Variants in PRKG1 observed in about 807,000 individuals in gnomAD.
PRKG1 encodes cGMP-dependent protein kinase 1.
In PRKG1, 35 loss-of-function variants were observed where a neutral mutation model predicts 88.1. That is an observed-to-expected ratio of 0.40 (90% CI 0.30 to 0.53). The LOEUF (loss-of-function observed/expected upper bound fraction) is 0.53. Among genes scored for constraint, PRKG1 ranks in the 20% least tolerant of loss-of-function variants. The probability of loss-of-function intolerance (pLI) is 0.59; values close to 1 mark genes in which losing one functional copy is unlikely to be tolerated. For synonymous variants in PRKG1, 303 were observed against 292.5 expected, an observed-to-expected ratio of 1.04 and a Z score of -0.37; for missense variants, 540 against 839.8, an observed-to-expected ratio of 0.64 and a Z score of 4.41.
intron 7 of PRKG1, among the ~76,000 whole-genome samples, chr10:52,122,107 C>T (rs2132613195): frequency 6.6e-6 from 1 of 152,274 alleles, no homozygotes. Context: ...GGTTGAGGGG[C>T]TCACATCTGG....
intron 2 of PRKG1, among the ~76,000 whole-genome samples, chr10:51,346,924 T>G (rs1842125615): frequency 1.3e-5 from 2 of 152,110 alleles, no homozygotes; most frequent in Admixed American, 1.3e-4. Context: ...CAAACCTTAC[T>G]CAGTAACAAA....
chr10:52,023,216 T>A (rs985490428), intron 5 of PRKG1, among the ~76,000 whole-genome samples: 9 of 152,222 alleles, frequency 5.9e-5, no homozygotes, highest in Non-Finnish European at 8.8e-5. Flanking sequence ...GTTTCCAGCT[T>A]CATCCATGTC....
chr10:51,784,504 C>G (rs1838679279), intron 3 of PRKG1, among the ~76,000 whole-genome samples: 1 of 151,966 alleles, frequency 6.6e-6, no homozygotes, highest in East Asian at 1.9e-4. Flanking sequence ...ATAGTTTTAC[C>G]CTGGGACATT....
intron 1 of PRKG1, among the ~76,000 whole-genome samples, chr10:51,145,500 A>T (rs1018598377): frequency 3.9e-5 from 6 of 152,140 alleles, no homozygotes; most frequent in African/African-American, 1.4e-4. Flanking sequence ...ACTTTACGTT[A>T]GTTCTGTGAA....
intron 7 of PRKG1, among the ~76,000 whole-genome samples, chr10:52,129,943 C>A (rs936513000): frequency 6.6e-6 from 1 of 152,098 alleles, no homozygotes; most frequent in Admixed American, 6.5e-5. Flanking sequence ...AAGAACATGA[C>A]TTTAGGGACA....
At chr10:51,191,351 A>C (rs1038207208) in intron 2 of PRKG1, among the ~76,000 whole-genome samples, 1 of 151,764 alleles carries the variant, frequency 6.6e-6, no homozygotes, top group African/African-American at 2.4e-5. Flanking sequence ...AAATTATATA[A>C]CTTCTAAGCC....
chr10:51,821,822 G>T (rs1170273876), intron 4 of PRKG1, among the ~76,000 whole-genome samples: 2 of 152,042 alleles, frequency 1.3e-5, no homozygotes, highest in East Asian at 3.9e-4. Context: ...ATGGTCAGTT[G>T]ATCTTCAGGG....
At chr10:51,050,508 T>C (rs1843547363) in intron 1 of PRKG1, among the ~76,000 whole-genome samples, 1 of 152,198 alleles carries the variant, frequency 6.6e-6, no homozygotes, top group Admixed American at 6.5e-5. Flanking sequence ...TTTCAGAGAC[T>C]AGATAATATT....
chr10:51,374,112 A>ATATATATATATATATATATATATATG (rs886440031), intron 2 of PRKG1, among the ~76,000 whole-genome samples: 4 of 143,876 alleles, frequency 2.8e-5, no homozygotes, highest in African/African-American at 7.5e-5. Context: ...ATATATATAT[A>ATATATATATATATATATATATATATG]TGTACTTTAA....
intron 2 of PRKG1, among the ~76,000 whole-genome samples, chr10:51,191,823 T>G (rs560202342): frequency 4.7e-4 from 72 of 151,946 alleles, no homozygotes; most frequent in African/African-American, 1.6e-3. Context: ...ATTTGATGAG[T>G]TGGGGAAGGT....
chr10:51,883,384 A>G (rs1018575555), intron 4 of PRKG1, among the ~76,000 whole-genome samples: 3 of 152,232 alleles, frequency 2.0e-5, no homozygotes, highest in Admixed American at 6.5e-5. Context: ...ACAAATATAG[A>G]TAGATGATAT....
intron 2 of PRKG1, among the ~76,000 whole-genome samples, chr10:51,230,648 C>A (rs758100152): frequency 7.2e-5 from 11 of 151,990 alleles, no homozygotes; most frequent in Non-Finnish European, 1.5e-4. Flanking sequence ...CATAAAATGG[C>A]ATAAAATAGT....
At chr10:51,621,007 G>GTATATATA (rs370817382) in intron 3 of PRKG1, among the ~76,000 whole-genome samples, 19,405 of 121,602 alleles carry the variant, frequency 0.16, 1,756 homozygotes, top group Middle Eastern at 0.22. Context: ...GTGTATATGT[G>GTATATATA]TGTATATATA....
chr10:52,039,239 C>T (rs548514203), intron 5 of PRKG1, among the ~76,000 whole-genome samples: 3 of 151,488 alleles, frequency 2.0e-5, no homozygotes, highest in East Asian at 3.9e-4. Context: ...GGGGTGGGGC[C>T]ATTTTATAGG....
Position 51,908,734 on chromosome 10 carries a change from A to AT in PRKG1, c.762+1177dup, listed in dbSNP as rs34836745. ...CTCTCTGTCTATCTATCTATATGTAATTTTTTTTTTTTTGAGACAGTGTCT... is the reference window on the plus strand; with the variant it reads ...CTCTCTGTCTATCTATCTATATGTAATTTTTTTTTTTTTTGAGACAGTGTCT... On this transcript the variant is annotated intron_variant, in intron 5 of 17. Transcript: ENST00000373980. The AT allele has an allele frequency of 1.9e-3, 97 of 52,216 alleles. 2 individuals are homozygous for AT. Among genetic ancestry groups the AT allele is most frequent in the South Asian group, 4.2e-3 (9 of 2,140 alleles). 3.2% of individuals were successfully genotyped at this position (52,216 alleles called of 1,614,324 possible).
At chr10:51,694,758 C>T (rs1398070008) in intron 3 of PRKG1, among the ~76,000 whole-genome samples, 4 of 152,122 alleles carry the variant, frequency 2.6e-5, no homozygotes, top group African/African-American at 7.2e-5. Context: ...GGGTTATAAA[C>T]GATGATTGTG....
intron 4 of PRKG1, among the ~76,000 whole-genome samples, chr10:51,827,449 GTCT>G (rs1839905734): frequency 6.6e-6 from 1 of 152,014 alleles, no homozygotes; most frequent in Non-Finnish European, 1.5e-5. Context: ...ATGTATAATT[GTCT>G]TCTTTGAGGA....
At chr10:51,827,411 CT>C (rs1839904917) in intron 4 of PRKG1, among the ~76,000 whole-genome samples, 1 of 152,074 alleles carries the variant, frequency 6.6e-6, no homozygotes. Flanking sequence ...TGCACAAGGA[CT>C]TTTGGACACT....
chr10:51,590,941 G>C (rs1838297132), intron 3 of PRKG1, among the ~76,000 whole-genome samples: 1 of 152,156 alleles, frequency 6.6e-6, no homozygotes. Flanking sequence ...TAAGCACAAG[G>C]AATGTGGAAA....
Sources: gnomAD v4.1 joint callset for allele counts (sites outside exome capture counted in the v4.1 genomes callset) on GRCh38, gnomAD v4.1.1 for gene constraint, MANE v1.5 for transcripts, NCBI Gene and HGNC (gene_info 2026-07-23, HGNC 2026-07-21) for gene names.